The following ZC4H2 variants were observed in gnomAD, a reference collection of about 807,000 sequenced individuals.
ZC4H2 encodes the protein zinc finger C4H2 domain-containing protein.
For synonymous variants in ZC4H2, 84 were observed against 66.3 expected, an observed-to-expected ratio of 1.27 and a Z score of -1.30; for missense variants, 137 against 173.9, an observed-to-expected ratio of 0.79 and a Z score of 1.19.
rs1410865044 is a variant in ZC4H2 at position 64,981,773 on chromosome X, C to T, written c.-272+52856G>A. Among the ~76,000 whole-genome samples, 3 of 111,349 alleles carry T rather than the reference C, an allele frequency of 2.7e-5. No homozygotes were observed. The Admixed American group carries it at 2.9e-4, about 11-fold the overall frequency. On this transcript the variant is annotated intron_variant, in intron 1 of 4. Transcript: ENST00000337990. ...AAAATTTTCATGTTCTCCATCACTTCAGCCCTTCAGCTGGGGTGTTGAGGG... is the reference window on the plus strand; with the variant it reads ...AAAATTTTCATGTTCTCCATCACTTTAGCCCTTCAGCTGGGGTGTTGAGGG...
intron 1 of ZC4H2, among the ~76,000 whole-genome samples, chrX:65,032,064 G>A (rs1932939458): frequency 9.0e-6 from 1 of 111,540 alleles, no homozygotes; most frequent in South Asian, 3.8e-4. Context: ...TGTTGTAGGA[G>A]TTTTTACCTT....
intron 1 of ZC4H2, among the ~76,000 whole-genome samples, chrX:64,976,017 G>A (rs1156931915): frequency 9.0e-6 from 1 of 111,549 alleles, no homozygotes; most frequent in Non-Finnish European, 1.9e-5. Context: ...ACACCTTGGG[G>A]CACACAAGTA....
intron 1 of ZC4H2, chrX:64,965,626 G>C: frequency 4.0e-6 from 1 of 253,103 alleles, no homozygotes. Flanking sequence ...TGATAAATTG[G>C]ATTTCTTCAT....
At chrX:65,001,532 C>T (rs1291814387) in intron 1 of ZC4H2, among the ~76,000 whole-genome samples, 1 of 111,966 alleles carries the variant, frequency 8.9e-6, no homozygotes, top group Non-Finnish European at 1.9e-5. Flanking sequence ...GAAACTGCAT[C>T]AACTAATGGG....
intron 1 of ZC4H2, among the ~76,000 whole-genome samples, chrX:64,936,189 T>A (rs1414198521): frequency 9.2e-6 from 1 of 109,138 alleles, no homozygotes; most frequent in Non-Finnish European, 1.9e-5. Flanking sequence ...GAAGATCAAA[T>A]TAATGAAATA....
chrX:65,034,128 A>G (rs1484707559), intron 1 of ZC4H2, among the ~76,000 whole-genome samples: 2 of 110,762 alleles, frequency 1.8e-5, no homozygotes, highest in Non-Finnish European at 3.8e-5. Context: ...AAGGAAACAG[A>G]GCTACTTGGT....
chrX:64,919,215 G>A lies in ZC4H2; in HGVS notation c.399-11C>T, dbSNP rs775663240. 1 of 1,210,203 alleles carries A rather than the reference G, an allele frequency of 8.3e-7. No individual in the cohort carries two copies. Among genetic ancestry groups the A allele is most frequent in the Non-Finnish European group, 1.1e-6 (1 of 894,689 alleles). ...TGCTTCTCAAAGTAACTTTGGAGATGAGAGACACTGGCTAGATCATTCTGA... is the reference window on the plus strand; with the variant it reads ...TGCTTCTCAAAGTAACTTTGGAGATAAGAGACACTGGCTAGATCATTCTGA... On this transcript the variant is annotated splice_polypyrimidine_tract_variant and intron_variant, in intron 3 of 4. Coordinates refer to ENST00000374839, the MANE Select transcript of ZC4H2 (RefSeq NM_018684.4).
At chrX:65,013,520 G>A (rs1268639617) in intron 1 of ZC4H2, among the ~76,000 whole-genome samples, 1 of 111,167 alleles carries the variant, frequency 9.0e-6, no homozygotes, top group African/African-American at 3.3e-5. Flanking sequence ...TAGCTTGCAG[G>A]CCTTGATAAA....
At position 64,954,318 on chromosome X, in the gene ZC4H2, TTATA is replaced by T. The variant is rs35605122; in HGVS notation, c.53+22003_53+22006del. Among the ~76,000 whole-genome samples the T allele has an allele frequency of 0.021, 1,302 of 62,237 alleles. 209 individuals are homozygous for T. The African/African-American group carries it at 0.23, about 11-fold the overall frequency. 54.0% of individuals were successfully genotyped at this position (62,237 alleles called of 115,157 possible). Reference sequence around the variant, plus strand: ...ATGTACCCTAAAACTTAAAGTATAATTATATATATATATATATATAATTATATAT... The same window carrying T: ...ATGTACCCTAAAACTTAAAGTATAATTATATATATATATATAATTATATAT... On this transcript the variant is annotated intron_variant, in intron 1 of 4. Transcript: ENST00000374839.
chrX:65,000,467 T>C (rs896713898), intron 1 of ZC4H2, among the ~76,000 whole-genome samples: 1 of 111,803 alleles, frequency 8.9e-6, no homozygotes, highest in African/African-American at 3.3e-5. Flanking sequence ...GATAAATCCA[T>C]GAAGATGAGG....
intron 1 of ZC4H2, among the ~76,000 whole-genome samples, chrX:64,950,410 T>G (rs1484885270): frequency 9.0e-6 from 1 of 111,425 alleles, no homozygotes; most frequent in Non-Finnish European, 1.9e-5. Context: ...CCTTTTTAAC[T>G]TTCTGTCTCG....
intron 1 of ZC4H2, among the ~76,000 whole-genome samples, chrX:64,999,437 G>A (rs182109845): frequency 4.5e-5 from 5 of 112,353 alleles, no homozygotes; most frequent in Admixed American, 9.4e-5. Context: ...CATGATCTTC[G>A]CAACCTGCAG....
chrX:64,987,843 C>G (rs953028696), intron 1 of ZC4H2, among the ~76,000 whole-genome samples: 13 of 105,313 alleles, frequency 1.2e-4, no homozygotes, highest in African/African-American at 4.5e-4. Context: ...ATTAACTCAT[C>G]ATTTAACATT....
intron 1 of ZC4H2, among the ~76,000 whole-genome samples, chrX:64,992,424 C>A: frequency 9.0e-6 from 1 of 111,567 alleles, no homozygotes; most frequent in Middle Eastern, 4.6e-3. Context: ...AGTTTATAAG[C>A]TCATCAGCAA....
chrX:64,951,810 T>C (rs1930853100), intron 1 of ZC4H2, among the ~76,000 whole-genome samples: 1 of 111,246 alleles, frequency 9.0e-6, no homozygotes, highest in Admixed American at 9.5e-5. Context: ...TTTAATTAGA[T>C]CCCATTTGTC....
intron 1 of ZC4H2, among the ~76,000 whole-genome samples, chrX:64,991,753 C>T (rs1247846344): frequency 9.0e-6 from 1 of 111,343 alleles, no homozygotes; most frequent in Non-Finnish European, 1.9e-5. Context: ...CCTTAAGAGC[C>T]CAAAAAGTAG....
At chrX:64,995,869 A>C (rs1932403268) in intron 1 of ZC4H2, among the ~76,000 whole-genome samples, 1 of 112,540 alleles carries the variant, frequency 8.9e-6, no homozygotes, top group Non-Finnish European at 1.9e-5. Context: ...GCATTGCTTA[A>C]AAATATCGTA....
rs1201132476 is a variant in ZC4H2 at position 64,921,940 on chromosome X, C to T, written c.102G>A (p.Glu34=). 1 of 1,208,687 alleles carries T rather than the reference C, an allele frequency of 8.3e-7. No homozygotes were observed. Among genetic ancestry groups the T allele is most frequent in the Non-Finnish European group, 1.1e-6 (1 of 895,129 alleles). The change falls in exon 2 of 5, where the codon GAG becomes GAA. Residue 34 remains glutamate, a synonymous_variant. Transcript: ENST00000374839. ...TTTCCTCTGACTCAAGTGCCTCAAACTCAGCCTTCAAACGAGCCTTGATCT... is the reference window on the plus strand; with the variant it reads ...TTTCCTCTGACTCAAGTGCCTCAAATTCAGCCTTCAAACGAGCCTTGATCT... The part of the protein sequence containing the change: ...MEKIKARLKA[E]FEALESEERH...
At chrX:64,955,472 C>T (rs1374917068) in intron 1 of ZC4H2, among the ~76,000 whole-genome samples, 1 of 111,211 alleles carries the variant, frequency 9.0e-6, no homozygotes, top group Non-Finnish European at 1.9e-5. Flanking sequence ...ATTTGCCATC[C>T]ACACTACAGC....
Sources: gnomAD v4.1 joint callset for allele counts (sites outside exome capture counted in the v4.1 genomes callset) on GRCh38, gnomAD v4.1.1 for gene constraint, MANE v1.5 for transcripts, NCBI Gene and HGNC (gene_info 2026-07-23, HGNC 2026-07-21) for gene names.